The following PTPRB variants were observed in gnomAD, a reference collection of about 807,000 sequenced individuals.
PTPRB encodes protein tyrosine phosphatase receptor type B.
Under a neutral mutation model 238.1 loss-of-function variants are expected in PTPRB, and 97 were observed. The ratio of observed to expected loss-of-function variants is 0.41; its 90% confidence interval spans 0.35 to 0.48. The LOEUF (loss-of-function observed/expected upper bound fraction) is 0.48, where lower values mean the gene tolerates loss of function less well. Among genes scored for constraint, PTPRB ranks in the 20% least tolerant of loss-of-function variants. The pLI, the probability that PTPRB is intolerant of heterozygous loss-of-function variation, is 0.30. For synonymous variants in PTPRB, 970 were observed against 995.4 expected (o/e 0.97, Z 0.48); for missense variants, 2,292 against 2,681.9 (o/e 0.85, Z 3.21).
intron 4 of PTPRB, chr12:70,608,828 C>A (rs533753014): frequency 5.0e-5 from 28 of 556,684 alleles, no homozygotes; most frequent in Admixed American, 4.1e-4. Context: ...CCGCCCTGCA[C>A]CCCACCCCGA....
chr12:70,568,269 G>T (rs1008629222), intron 14 of PTPRB, among the ~76,000 whole-genome samples: 5 of 152,032 alleles, frequency 3.3e-5, no homozygotes, highest in Non-Finnish European at 7.4e-5. Flanking sequence ...TAAGGTTCTT[G>T]AGGTCAGGGG....
intron 10 of PTPRB, among the ~76,000 whole-genome samples, chr12:70,580,609 C>T (rs1046211941): frequency 6.6e-6 from 1 of 152,100 alleles, no homozygotes; most frequent in African/African-American, 2.4e-5. Flanking sequence ...CACCTGAGGT[C>T]AGGAGTTCGA....
chr12:70,635,739 T>C lies in PTPRB; in HGVS notation c.383A>G (p.His128Arg). 6.2e-7 allele frequency: 1 copy of C among 1,613,970 alleles called. No homozygotes were observed. The highest frequency in any genetic ancestry group is 8.5e-7 in the Non-Finnish European group (1 of 1,179,890). ...GTTGACATCTATTTTCATCCAGCTATGGAGGTATTTCCTGGCCTTCTTGAC... is the reference window on the plus strand; with the variant it reads ...GTTGACATCTATTTTCATCCAGCTACGGAGGTATTTCCTGGCCTTCTTGAC... The part of the protein sequence containing the change: ...VVVKKARKYL[H>R]SWMKIDVNKE... Residue 128 changes from histidine (H) to arginine (R), a missense_variant, in exon 2 of 34, where the codon CAT becomes CGT. Physicochemically the swap from His to Arg is conservative, Grantham distance 29. Around this residue, in one of 4 missense-constraint regions of PTPRB, gnomAD observed 1,205 missense variants for 1,287.8 expected, o/e 0.94. Coordinates refer to ENST00000334414, the MANE Select transcript of PTPRB (RefSeq NM_001109754.4).
Position 70,609,085 on chromosome 12 carries a change from T to A in PTPRB, c.963A>T (p.Thr321=), listed in dbSNP as rs2717430. ...ATCCTTTACCTGTTTGCAAGACCAC[T>A]GTTCTCTCTTCATCCAGAGAAATAA... ...FRIISLDEER[T]VVLQTDPLPP... The change falls in exon 4 of 34, where the codon ACA becomes ACT. Residue 321 remains threonine, a synonymous_variant. Coordinates refer to ENST00000334414, the MANE Select transcript of PTPRB (RefSeq NM_001109754.4). 0.44 allele frequency: 701,705 copies of A among 1,612,994 alleles called. 159,928 individuals carry two copies. Among genetic ancestry groups the A allele is most frequent in the African/African-American group, 0.74 (55,761 of 74,980 alleles).
chr12:70,525,753 C>T (rs551964301), intron 32 of PTPRB, among the ~76,000 whole-genome samples: 2 of 152,294 alleles, frequency 1.3e-5, no homozygotes, highest in African/African-American at 4.8e-5. Flanking sequence ...ACTTCCCTTG[C>T]TGAGCAACTG....
chr12:70,526,019 T>C (rs1872378160), intron 32 of PTPRB, among the ~76,000 whole-genome samples: 1 of 152,202 alleles, frequency 6.6e-6, no homozygotes, highest in Non-Finnish European at 1.5e-5. Context: ...TTTTAGAGGT[T>C]TGAGATACAA....
At position 70,636,066 on chromosome 12, in the gene PTPRB, T is replaced by C; in HGVS notation, c.56A>G (p.Glu19Gly). ...CTGGACATGGACAATCTGAAACCCT[T>C]CTGGAAGATGAAAAGCTCATAAAGC... Reference protein sequence around the residue: ...ILTCLIFRNSEGFQIVHVQKQ... With the variant: ...ILTCLIFRNSGGFQIVHVQKQ... The change falls in exon 2 of 34, where the codon GAA becomes GGA. Residue 19 changes from glutamate to glycine, a missense_variant and splice_region_variant. Physicochemically the swap from Glu to Gly is moderately conservative, Grantham distance 98. This residue lies in a region of PTPRB where 1,205 missense variants were observed against 1,287.8 expected (regional missense o/e 0.94). Transcript: ENST00000334414. The C allele has an allele frequency of 1.2e-6, 2 of 1,601,974 alleles. No individual in the cohort carries two copies. The highest frequency in any genetic ancestry group is 1.1e-5 in the South Asian group (1 of 89,648).
rs1206064888 is a variant in PTPRB at position 70,560,807 on chromosome 12, T to C, written c.4296A>G (p.Thr1432=). The change falls in exon 17 of 34, where the codon ACA becomes ACG. Residue 1432 remains threonine, a synonymous_variant. Transcript: ENST00000334414. The surrounding 1 kb of genome is among the most constrained non-coding windows in gnomAD (Gnocchi z 4.2). The part of the protein sequence containing the change: ...YELILYNPNG[T]KKENWKDKDL... ...CCTTGTCTTTCCAGTTTTCCTTCTT[T>C]GTGCCATTGGGATTATAGAGAATCA... The C allele has an allele frequency of 1.2e-6, 2 of 1,614,006 alleles. No homozygotes were observed. Among genetic ancestry groups the C allele is most frequent in the Admixed American group, 1.7e-5 (1 of 60,028 alleles).
At position 70,571,114 on chromosome 12, in the gene PTPRB, A is replaced by G; in HGVS notation, c.3282T>C (p.Thr1094=). The part of the protein sequence containing the change: ...LVNTATEYRF[T]SLTPGRQYKI... ...TGTATTGGCGGCCTGGTGTTAGGGA[A>G]GTAAATCGATACTCGGTTGCGGTAT... is the stretch of plus-strand genomic sequence containing the variant. The change falls in exon 13 of 34, where the codon ACT becomes ACC. Residue 1094 remains threonine (T), a synonymous_variant. Transcript: ENST00000334414. 6.2e-7 allele frequency: 1 copy of G among 1,613,988 alleles called. No homozygotes were observed. The highest frequency in any genetic ancestry group is 8.5e-7 in the Non-Finnish European group (1 of 1,179,874).
chr12:70,556,426 G>A (rs1274862954), intron 18 of PTPRB, among the ~76,000 whole-genome samples: 4 of 152,168 alleles, frequency 2.6e-5, no homozygotes, highest in African/African-American at 9.7e-5. Flanking sequence ...GCTGAGGACA[G>A]TCTCTGAGCC....
chr12:70,578,218 G>A (rs1444241356), intron 10 of PTPRB, among the ~76,000 whole-genome samples: 1 of 152,084 alleles, frequency 6.6e-6, no homozygotes, highest in Admixed American at 6.5e-5. Context: ...TGGGCTGGGA[G>A]GGTTTATTTA....
rs563466294 is a variant in PTPRB, at chr12:70,594,714, T to C, written c.1269A>G (p.Pro423=). 4.3e-6 allele frequency: 7 copies of C among 1,613,958 alleles called. No homozygotes were observed. In the African/African-American group the frequency reaches 5.3e-5, roughly 12 times the overall value. ...TTGTGGAAATACCAATATCTTTCAC[T>C]GGAGATGGCACTAGTGGGATAAAAT... ...VYTNGSTVPS[P]VKDIGISTKA... is the part of the protein sequence containing the mutation. The change falls in exon 6 of 34, where the codon CCA becomes CCG. Residue 423 remains proline, a synonymous_variant. Transcript: ENST00000334414.
chr12:70,630,947 G>T (rs940799373), intron 2 of PTPRB, among the ~76,000 whole-genome samples: 10 of 152,254 alleles, frequency 6.6e-5, no homozygotes, highest in Non-Finnish European at 1.2e-4. Flanking sequence ...ACACATGGAA[G>T]AACATTCCAT....
At chr12:70,589,694 G>A (rs1318779223) in intron 8 of PTPRB, among the ~76,000 whole-genome samples, 1 of 152,172 alleles carries the variant, frequency 6.6e-6, no homozygotes, top group Non-Finnish European at 1.5e-5. Context: ...AAGGGTCAGT[G>A]TTTGTTTTCA....
intron 31 of PTPRB, among the ~76,000 whole-genome samples, chr12:70,533,764 C>G (rs986395221): frequency 2.6e-5 from 4 of 152,166 alleles, no homozygotes; most frequent in Non-Finnish European, 5.9e-5. Context: ...TTCTTTTGCC[C>G]TTCCATCCCT....
rs1310286734 is a variant in PTPRB, at chr12:70,587,284, G to A, written c.2051-17C>T. The stretch of plus-strand genomic sequence containing the variant: ...CCAGGGGGACTGAGGAAAAAGCAAT[G>A]GAGATGGGTCATTGATGGACTGAGG... On this transcript the variant is annotated splice_polypyrimidine_tract_variant and intron_variant, in intron 8 of 33. Coordinates refer to ENST00000334414, the MANE Select transcript of PTPRB (RefSeq NM_001109754.4). 2 of 1,612,712 alleles carry A rather than the reference G, an allele frequency of 1.2e-6. No homozygotes were observed. The highest frequency in any genetic ancestry group is 2.7e-5 in the African/African-American group (2 of 74,906).
intron 18 of PTPRB, among the ~76,000 whole-genome samples, chr12:70,558,331 A>T (rs1031591548): frequency 6.6e-6 from 1 of 152,244 alleles, no homozygotes; most frequent in African/African-American, 2.4e-5. Flanking sequence ...CTCTTTGGAT[A>T]CAATGTGGCA....
At chr12:70,572,775 T>TAAAAAAAAAAAAAA (rs10709963) in intron 11 of PTPRB, among the ~76,000 whole-genome samples, 8 of 93,946 alleles carry the variant, frequency 8.5e-5, no homozygotes, top group African/African-American at 2.5e-4. Context: ...CTCCATCTCA[T>TAAAAAAAAAAAAAA]AAAAAAAAAA....
intron 6 of PTPRB, among the ~76,000 whole-genome samples, chr12:70,593,641 A>G (rs1456546037): frequency 6.6e-6 from 1 of 152,086 alleles, no homozygotes; most frequent in Non-Finnish European, 1.5e-5. Flanking sequence ...ATTTTTGGCC[A>G]GGAATATCTA....
Sources: allele counts gnomAD v4.1 joint callset (sites outside exome capture counted in the v4.1 genomes callset), GRCh38; gene constraint gnomAD v4.1.1; regional missense constraint gnomAD v4.1.1; non-coding constraint Gnocchi (gnomAD v3.1); transcripts MANE v1.5; gene names NCBI Gene and HGNC (gene_info 2026-07-23, HGNC 2026-07-21).